TRIP12: variants seen among roughly 807,000 people sequenced by gnomAD.
TRIP12 encodes E3 ubiquitin-protein ligase TRIP12.
In TRIP12, 25 loss-of-function variants were observed where a neutral mutation model predicts 244.2. The observed-to-expected ratio is 0.10, with a 90% CI of 0.07 to 0.14. The LOEUF is 0.14. TRIP12 is among the 10% of genes least tolerant of loss of function. The pLI is 1.00. For synonymous variants in TRIP12, 905 were observed against 873.1 expected, an observed-to-expected ratio of 1.04 and a Z score of -0.64; for missense variants, 1,677 against 2,486.4, an observed-to-expected ratio of 0.67 and a Z score of 6.92.
At chr2:229,855,799 T>C (rs1257141380) in intron 4 of TRIP12, among the ~76,000 whole-genome samples, 5 of 152,082 alleles carry the variant, frequency 3.3e-5, no homozygotes, top group African/African-American at 4.8e-5. Flanking sequence ...CCCAGCACTT[T>C]GGAAGGCTGA....
chr2:229,777,256 A>G, intron 37 of TRIP12, 59 bp downstream of exon 37: 2 of 1,550,538 alleles, frequency 1.3e-6, no homozygotes, highest in Non-Finnish European at 1.8e-6. Flanking sequence ...CTATTTAACA[A>G]AAGCCTCATT....
At chr2:229,779,047 G>A in intron 34 of TRIP12, 57 bp from the exon 35 acceptor site, 2 of 1,424,960 alleles carry the variant, frequency 1.4e-6, no homozygotes, top group East Asian at 4.5e-5. Flanking sequence ...TTTTTTTACT[G>A]CCAACCTCTT....
At chr2:229,861,152 A>G (rs2060415936) in intron 2 of TRIP12, among the ~76,000 whole-genome samples, 1 of 152,230 alleles carries the variant, frequency 6.6e-6, no homozygotes, top group Non-Finnish European at 1.5e-5. Context: ...AGAACACAAA[A>G]AAGTCCTGGA....
At position 229,810,937 on chromosome 2, in the gene TRIP12, T is replaced by C; in HGVS notation, c.2164A>G (p.Met722Val). The change falls in exon 15 of 42, where the codon ATG becomes GTG. Residue 722 changes from methionine (M) to valine (V), a missense_variant. By Grantham distance (21) the Met-to-Val change is conservative (BLOSUM62 1). Coordinates refer to ENST00000675903, the MANE Select transcript of TRIP12 (RefSeq NM_001348323.3). The stretch of plus-strand genomic sequence containing the variant: ...CAGTTGGAACACATCAGAGAAAACA[T>C]GCGAACCACCATTATAAACATCCCA... ...SSGMFIMVVR[M>V]FSLMCSNCPT... The C allele has an allele frequency of 6.2e-7, 1 of 1,614,128 alleles. No individual in the cohort carries two copies. The highest frequency in any genetic ancestry group is 8.5e-7 in the Non-Finnish European group (1 of 1,180,002).
chr2:229,767,350 A>T lies in TRIP12; in HGVS notation c.*204T>A. Reference sequence around the variant, plus strand: ...AAGAACTTGCTAAAGAAACCTCATCACAACAACGTTTTAGGGCCTGATCAC... The same window carrying T: ...AAGAACTTGCTAAAGAAACCTCATCTCAACAACGTTTTAGGGCCTGATCAC... On this transcript the variant is annotated 3_prime_UTR_variant, in exon 42 of 42. Coordinates refer to ENST00000675903, the MANE Select transcript of TRIP12 (RefSeq NM_001348323.3). 1 of 446,088 alleles carries T rather than the reference A, an allele frequency of 2.2e-6. No individual in the cohort carries two copies. 27.6% of individuals were successfully genotyped at this position (446,088 alleles called of 1,614,324 possible). A position where few individuals can be genotyped will look rare whatever the true frequency, so the allele number is the denominator to read the frequency against.
intron 1 of TRIP12, among the ~76,000 whole-genome samples, chr2:229,894,988 T>C (rs1243914120): frequency 6.6e-6 from 1 of 152,114 alleles, no homozygotes; most frequent in Non-Finnish European, 1.5e-5. Flanking sequence ...CTACACATAA[T>C]CTAAGGACAA....
intron 33 of TRIP12, among the ~76,000 whole-genome samples, chr2:229,786,191 G>A (rs1002628326): frequency 2.6e-5 from 4 of 151,910 alleles, no homozygotes; most frequent in African/African-American, 9.7e-5. Context: ...AATTTCCCTG[G>A]GTACATTTAT....
At chr2:229,828,736 C>T (rs1157827370) in intron 8 of TRIP12, among the ~76,000 whole-genome samples, 1 of 152,036 alleles carries the variant, frequency 6.6e-6, no homozygotes, top group Non-Finnish European at 1.5e-5. Context: ...CACTGCACTC[C>T]CGCCTGGACG....
At chr2:229,816,225 G>A (rs956244992) in intron 9 of TRIP12, among the ~76,000 whole-genome samples, 3 of 151,776 alleles carry the variant, frequency 2.0e-5, no homozygotes. Flanking sequence ...GAATTGTGCT[G>A]GGTAAAGTAT....
At chr2:229,825,422 T>C (rs1413314107) in intron 8 of TRIP12, among the ~76,000 whole-genome samples, 1 of 152,198 alleles carries the variant, frequency 6.6e-6, no homozygotes, top group Non-Finnish European at 1.5e-5. Context: ...GGGAGTGTAT[T>C]AGTCCATTCT....
At position 229,789,060 on chromosome 2, in the gene TRIP12, A is replaced by T. The variant is rs1575014644; in HGVS notation, c.4696-120T>A. 11 of 856,636 alleles carry T rather than the reference A, an allele frequency of 1.3e-5. No homozygotes were observed. In the East Asian group the frequency reaches 2.9e-4, roughly 23 times the overall value. The allele number at this position is 856,636 out of a possible 1,614,324, so 53.1% of individuals were successfully genotyped here. A position where few individuals can be genotyped will look rare whatever the true frequency, so the allele number is the denominator to read the frequency against. On this transcript the variant is annotated intron_variant, in intron 31 of 41. Coordinates refer to ENST00000675903, the MANE Select transcript of TRIP12 (RefSeq NM_001348323.3). ...ACCCTGAATTCACGTGTTGGTTTCCAACATACAACACACAGCCTCTCATTA... is the reference window on the plus strand; with the variant it reads ...ACCCTGAATTCACGTGTTGGTTTCCTACATACAACACACAGCCTCTCATTA...
chr2:229,807,502 T>C (rs2046167307), intron 17 of TRIP12: 1 of 610,450 alleles, frequency 1.6e-6, no homozygotes, highest in South Asian at 2.0e-5. Flanking sequence ...GTCAATCAGG[T>C]AGTTAGCAGC....
intron 1 of TRIP12, among the ~76,000 whole-genome samples, chr2:229,908,443 A>G (rs552698719): frequency 6.6e-6 from 1 of 152,270 alleles, no homozygotes; most frequent in East Asian, 1.9e-4. Context: ...ACGTCTCACA[A>G]TTCAGTTTAA....
chr2:229,777,553 G>A, intron 36 of TRIP12, 74 bp from the exon 37 acceptor site: 1 of 1,470,992 alleles, frequency 6.8e-7, no homozygotes, highest in Non-Finnish European at 9.4e-7. Context: ...AGGCACTTCA[G>A]GAGATCATTT....
chr2:229,836,995 A>C lies in TRIP12; in HGVS notation c.1134-11T>G, dbSNP rs753946293. 3 of 1,528,270 alleles carry C rather than the reference A, an allele frequency of 2.0e-6. No homozygotes were observed. The highest frequency in any genetic ancestry group is 1.8e-6 in the Non-Finnish European group (2 of 1,142,550). The allele number at this position is 1,528,270 out of a possible 1,614,324, so 94.7% of individuals were successfully genotyped here. A position where few individuals can be genotyped will look rare whatever the true frequency, so the allele number is the denominator to read the frequency against. On this transcript the variant is annotated splice_polypyrimidine_tract_variant and intron_variant, in intron 5 of 41. Transcript: ENST00000675903. ...CCAGAGCCTCGCCGACTACAACAGAAAAATGTCATCATGGGCAGCATTACC... is the reference window on the plus strand; with the variant it reads ...CCAGAGCCTCGCCGACTACAACAGACAAATGTCATCATGGGCAGCATTACC...
intron 2 of TRIP12, among the ~76,000 whole-genome samples, chr2:229,861,072 A>C (rs1008575323): frequency 3.9e-5 from 6 of 152,212 alleles, no homozygotes; most frequent in African/African-American, 1.2e-4. Flanking sequence ...CAAGCACTAA[A>C]CAATAAATAA....
chr2:229,801,745 T>A (rs2044406506), intron 21 of TRIP12, among the ~76,000 whole-genome samples: 1 of 152,228 alleles, frequency 6.6e-6, no homozygotes. Context: ...AACTCTCATT[T>A]TCCCTTATTA....
chr2:229,860,728 C>T (rs2060332773), intron 2 of TRIP12, among the ~76,000 whole-genome samples, 197 bp from the exon 3 acceptor site: 1 of 151,992 alleles, frequency 6.6e-6, no homozygotes, highest in African/African-American at 2.4e-5. Flanking sequence ...CTCAGAACCA[C>T]CCCCGCCCCG....
intron 1 of TRIP12, among the ~76,000 whole-genome samples, chr2:229,901,090 C>T (rs1009872140): frequency 2.6e-5 from 4 of 151,130 alleles, no homozygotes; most frequent in East Asian, 2.1e-4. Context: ...TGTGCCACAA[C>T]GCCTGGCTAA....
Sources: gnomAD v4.1 joint callset for allele counts (sites outside exome capture counted in the v4.1 genomes callset) on GRCh38, gnomAD v4.1.1 for gene constraint, MANE v1.5 for transcripts, NCBI Gene and HGNC (gene_info 2026-07-23, HGNC 2026-07-21) for gene names.